The following ZNF793 variants were observed in gnomAD, a reference collection of about 807,000 sequenced individuals.
The protein encoded by ZNF793 is zinc finger protein 793.
ZNF793 carries 5 observed loss-of-function variants against 12.4 expected under a neutral mutation model. That is an observed-to-expected ratio of 0.40 (90% CI 0.21 to 0.84). ZNF793 has a LOEUF of 0.84. Ranked by LOEUF, ZNF793 falls within the 40% of genes least tolerant of loss-of-function variation. The probability of loss-of-function intolerance (pLI) is 0.35; values close to 1 mark genes in which losing one functional copy is unlikely to be tolerated. For missense variants in ZNF793, 456 were observed against 495.0 expected, an observed-to-expected ratio of 0.92 and a Z score of 0.75; for synonymous variants, 162 against 172.4, an observed-to-expected ratio of 0.94 and a Z score of 0.47.
At chr19:37,533,211 C>A in intron 6 of ZNF793, 97 bp from the exon 7 acceptor site, 3 of 985,436 alleles carry the variant, frequency 3.0e-6, no homozygotes, top group African/African-American at 1.6e-5. Flanking sequence ...AGTCCCCTCC[C>A]AAGTATAACA....
chr19:37,530,041 G>A (rs2042445861), intron 5 of ZNF793, among the ~76,000 whole-genome samples: 1 of 151,986 alleles, frequency 6.6e-6, no homozygotes, highest in Admixed American at 6.6e-5. Flanking sequence ...ATAGTGGAGA[G>A]AAGGTCAGCA....
chr19:37,529,268 CTCT>C (rs551045111), intron 5 of ZNF793, among the ~76,000 whole-genome samples: 175 of 152,278 alleles, frequency 1.1e-3, no homozygotes, highest in Non-Finnish European at 1.8e-3. Flanking sequence ...ATGGGGTCTG[CTCT>C]TCTTTACAGC....
At chr19:37,517,770 T>C (rs888815834) in intron 2 of ZNF793, among the ~76,000 whole-genome samples, 1 of 152,164 alleles carries the variant, frequency 6.6e-6, no homozygotes, top group Non-Finnish European at 1.5e-5. Context: ...GTTTTTTTTT[T>C]CTATTTCTAT....
At chr19:37,512,529 C>A (rs1226698398) in intron 2 of ZNF793, among the ~76,000 whole-genome samples, 1 of 151,714 alleles carries the variant, frequency 6.6e-6, no homozygotes, top group African/African-American at 2.4e-5. Context: ...AATAATAATA[C>A]TAACAATAAT....
At chr19:37,506,597 CAAAG>C (rs2147044470), upstream of ZNF793, 1 of 152,284 alleles carries the variant, frequency 6.6e-6, no homozygotes, top group South Asian at 2.1e-4. Flanking sequence ...CTGCCGGAGA[CAAAG>C]AAAGCTCAGC....
chr19:37,521,851 A>G (rs1165623234), intron 3 of ZNF793, among the ~76,000 whole-genome samples: 2 of 152,078 alleles, frequency 1.3e-5, no homozygotes, highest in East Asian at 1.9e-4. Flanking sequence ...ATATAAAGCC[A>G]TGTTTGCATG....
intron 6 of ZNF793, among the ~76,000 whole-genome samples, chr19:37,532,704 A>G (rs1038360368): frequency 4.6e-5 from 7 of 152,254 alleles, no homozygotes; most frequent in Admixed American, 4.6e-4. Flanking sequence ...CTGTAATCCC[A>G]GCTACTCAGG....
chr19:37,514,567 TAGATAGAC>T (rs1448340670), intron 2 of ZNF793, among the ~76,000 whole-genome samples: 3 of 119,966 alleles, frequency 2.5e-5, no homozygotes, highest in African/African-American at 5.6e-5. Context: ...AGTAGATAGA[TAGATAGAC>T]AGATAGATAG....
chr19:37,531,932 C>G (rs1268281802), intron 5 of ZNF793, among the ~76,000 whole-genome samples: 1 of 152,086 alleles, frequency 6.6e-6, no homozygotes, highest in Non-Finnish European at 1.5e-5. Context: ...TAACACAAAG[C>G]CAAGAATATA....
intron 2 of ZNF793, among the ~76,000 whole-genome samples, chr19:37,517,291 A>G (rs1360292293): frequency 6.6e-6 from 1 of 152,044 alleles, no homozygotes; most frequent in Non-Finnish European, 1.5e-5. Flanking sequence ...GTCTGTATCT[A>G]CAGCTGGAGG....
intron 5 of ZNF793, among the ~76,000 whole-genome samples, chr19:37,530,756 C>A (rs2042453526): frequency 6.6e-6 from 1 of 152,258 alleles, no homozygotes; most frequent in East Asian, 1.9e-4. Context: ...TCTGATCTCT[C>A]TTTTCCCCAC....
chr19:37,517,115 A>G (rs2042338608), intron 2 of ZNF793, among the ~76,000 whole-genome samples: 1 of 152,214 alleles, frequency 6.6e-6, no homozygotes, highest in South Asian at 2.1e-4. Flanking sequence ...TATCTGCCAC[A>G]CTTGGCTCTG....
At chr19:37,534,148 G>GT (rs1346583296) in intron 7 of ZNF793, 3 of 152,142 alleles carry the variant, frequency 2.0e-5, no homozygotes, top group Non-Finnish European at 2.9e-5. Context: ...CCACAAGAAT[G>GT]TATCTAGTCA....
chr19:37,517,630 A>C (rs2042343157), intron 2 of ZNF793, among the ~76,000 whole-genome samples: 2 of 152,148 alleles, frequency 1.3e-5, no homozygotes, highest in Non-Finnish European at 1.5e-5. Context: ...TCTCTCAGGC[A>C]CTACGTCTTT....
rs924993702 is a variant in ZNF793 at position 37,538,246 on chromosome 19, C to A, written c.*367C>A. 5.9e-6 allele frequency: 1 copy of A among 168,454 alleles called. No homozygotes were observed. The highest frequency in any genetic ancestry group is 2.4e-5 in the African/African-American group (1 of 41,570). The allele number at this position is 168,454 out of a possible 1,614,324, so 10.4% of individuals were successfully genotyped here. Reference sequence around the variant, plus strand: ...TAGGGAATTTATCCTTAGGAGAAATCTTATCATTTTAATGAATTTGAACAG... The same window carrying A: ...TAGGGAATTTATCCTTAGGAGAAATATTATCATTTTAATGAATTTGAACAG... On this transcript the variant is annotated 3_prime_UTR_variant, in exon 8 of 8. Transcript: ENST00000627814.
chr19:37,536,708 T>C (rs1436725572), intron 7 of ZNF793, 189 bp from the exon 8 acceptor site: 18 of 621,764 alleles, frequency 2.9e-5, no homozygotes, highest in Non-Finnish European at 4.1e-5. Flanking sequence ...CTCTATACTC[T>C]ATGATATATT....
chr19:37,506,678 C>G (rs1404828019), upstream of ZNF793: 1 of 152,266 alleles, frequency 6.6e-6, no homozygotes, highest in East Asian at 1.9e-4. Context: ...GAGTTAAGAG[C>G]AGAGACGACA....
At chr19:37,512,282 C>T (rs988572609) in intron 2 of ZNF793, among the ~76,000 whole-genome samples, 1 of 151,834 alleles carries the variant, frequency 6.6e-6, no homozygotes, top group African/African-American at 2.4e-5. Context: ...TTTGGGAGGC[C>T]GAGGTGGGTG....
At chr19:37,523,614 G>T (rs1319088200) in intron 5 of ZNF793, among the ~76,000 whole-genome samples, 160 bp downstream of exon 5, 1 of 152,152 alleles carries the variant, frequency 6.6e-6, no homozygotes, top group African/African-American at 2.4e-5. Flanking sequence ...AGGTTGATTA[G>T]GCAGGCTCTT....
Sources: gnomAD v4.1 joint callset for allele counts (sites outside exome capture counted in the v4.1 genomes callset) on GRCh38, gnomAD v4.1.1 for gene constraint, MANE v1.5 for transcripts, NCBI Gene and HGNC (gene_info 2026-07-23, HGNC 2026-07-21) for gene names.